Variants in CABIN1 observed in about 807,000 individuals in gnomAD.
CABIN1 encodes the protein calcineurin-binding protein cabin-1.
Under a neutral mutation model 227.7 loss-of-function variants are expected in CABIN1, and 133 were observed. The observed-to-expected ratio is 0.58, with a 90% CI of 0.51 to 0.67. The LOEUF is 0.67. Among genes scored for constraint, CABIN1 ranks in the 30% least tolerant of loss-of-function variants. The probability of loss-of-function intolerance (pLI) is 0.00; values close to 1 mark genes in which losing one functional copy is unlikely to be tolerated. For synonymous variants in CABIN1, 1,086 were observed against 1,155.1 expected, an observed-to-expected ratio of 0.94 and a Z score of 1.21; for missense variants, 2,408 against 2,852.5, an observed-to-expected ratio of 0.84 and a Z score of 3.55.
chr22:24,083,081 T>G, intron 19 of CABIN1, 147 bp from the exon 20 acceptor site: 1 of 773,822 alleles, frequency 1.3e-6, no homozygotes, highest in South Asian at 1.5e-5. Flanking sequence ...CAGGTGTTTT[T>G]GGAATCAAGT....
chr22:24,171,686 T>G, intron 33 of CABIN1, 27 bp from the exon 34 acceptor site: 2 of 1,613,722 alleles, frequency 1.2e-6, no homozygotes, highest in Non-Finnish European at 1.7e-6. Context: ...CTAGCCAGCC[T>G]TTCTCACCTC....
intron 29 of CABIN1, among the ~76,000 whole-genome samples, chr22:24,142,746 A>G (rs1403423000): frequency 6.6e-6 from 1 of 152,188 alleles, no homozygotes; most frequent in Non-Finnish European, 1.5e-5. Flanking sequence ...CCAGGCTGCA[A>G]GCAGATCTGA....
At position 24,083,348 on chromosome 22, in the gene CABIN1, AAG is replaced by A; in HGVS notation, c.2872_2873del (p.Ser958Ter). 1 of 1,613,976 alleles carries A rather than the reference AAG, an allele frequency of 6.2e-7. No homozygotes were observed. Among genetic ancestry groups the A allele is most frequent in the Non-Finnish European group, 8.5e-7 (1 of 1,180,018 alleles). On this transcript the variant is annotated frameshift_variant, in exon 20 of 37. Coordinates refer to ENST00000263119, the MANE Select transcript of CABIN1 (RefSeq NM_012295.4). LOFTEE classifies it high-confidence loss of function. ...FYCLYSFPSK[K>X]SKARYLEEHS... ...CTGCCTGTACAGCTTCCCCAGCAAG[AAG>A]AGTAAGGCCAGGTACCTGGAGGAAC...
chr22:24,042,428 A>G (rs2037449042), intron 5 of CABIN1, among the ~76,000 whole-genome samples: 1 of 152,146 alleles, frequency 6.6e-6, no homozygotes, highest in Admixed American at 6.6e-5. Context: ...AAAAAAATTG[A>G]AAATTAGCTA....
intron 17 of CABIN1, 76 bp downstream of exon 17, chr22:24,071,118 C>A: frequency 6.3e-7 from 1 of 1,591,180 alleles, no homozygotes; most frequent in South Asian, 1.1e-5. Context: ...TTCAGTAGTT[C>A]ATAGCTTTCA....
chr22:24,015,430 C>T (rs1472820645), intron 1 of CABIN1, among the ~76,000 whole-genome samples: 2 of 151,196 alleles, frequency 1.3e-5, no homozygotes, highest in Non-Finnish European at 1.5e-5. Context: ...CTGCAAGCTC[C>T]GCCTCCCGGG....
intron 26 of CABIN1, among the ~76,000 whole-genome samples, chr22:24,110,305 C>A (rs1434798786): frequency 6.6e-6 from 1 of 152,212 alleles, no homozygotes; most frequent in Non-Finnish European, 1.5e-5. Context: ...TCAGGTGATA[C>A]TGTACTACTT....
chr22:24,095,923 TCTC>T lies in CABIN1; in HGVS notation c.3787-5_3787-3del, dbSNP rs1288876998. 1 of 1,613,914 alleles carries T rather than the reference TCTC, an allele frequency of 6.2e-7. No individual in the cohort carries two copies. Among genetic ancestry groups the T allele is most frequent in the Non-Finnish European group, 8.5e-7 (1 of 1,179,924 alleles). On this transcript the variant is annotated splice_polypyrimidine_tract_variant and splice_region_variant and intron_variant, in intron 24 of 36. Transcript: ENST00000263119. ...AGGCTGCTCACACTAGAGGTGTCGTTCTCCTAGGTGTACTTTCGGCTCCATGCT... is the reference window on the plus strand; with the variant it reads ...AGGCTGCTCACACTAGAGGTGTCGTTCTAGGTGTACTTTCGGCTCCATGCT...
intron 18 of CABIN1, among the ~76,000 whole-genome samples, chr22:24,074,118 A>G (rs1327259480): frequency 2.6e-5 from 4 of 151,970 alleles, no homozygotes; most frequent in African/African-American, 9.7e-5. Flanking sequence ...TTTAGTGGTG[A>G]AAAAAAACCT....
chr22:24,048,202 A>G (rs2038044885), intron 6 of CABIN1, among the ~76,000 whole-genome samples: 1 of 152,162 alleles, frequency 6.6e-6, no homozygotes, highest in African/African-American at 2.4e-5. Context: ...AAATTGGAAA[A>G]TACAGGTAAA....
chr22:24,175,161 G>C (rs1014733238), intron 34 of CABIN1, among the ~76,000 whole-genome samples: 1 of 152,146 alleles, frequency 6.6e-6, no homozygotes, highest in African/African-American at 2.4e-5. Flanking sequence ...TGGAACTGTT[G>C]AATGACACTG....
intron 1 of CABIN1, among the ~76,000 whole-genome samples, chr22:24,023,737 G>GT (rs201509795): frequency 0.013 from 1,767 of 140,930 alleles, 14 homozygotes; most frequent in Admixed American, 0.026. Context: ...TCATTTACCT[G>GT]TTTTTTTTTT....
At chr22:24,167,460 G>A in intron 32 of CABIN1, 147 bp downstream of exon 32, 1 of 704,894 alleles carries the variant, frequency 1.4e-6, no homozygotes, top group South Asian at 1.9e-5. Context: ...TTCACTTTCT[G>A]CAATGAGCTT....
chr22:24,154,070 C>T (rs950811995), intron 29 of CABIN1, among the ~76,000 whole-genome samples: 3 of 152,162 alleles, frequency 2.0e-5, no homozygotes, highest in Non-Finnish European at 2.9e-5. Context: ...AGGTGCTGCC[C>T]GTGATGGACC....
At chr22:24,061,014 C>T (rs546140174) in intron 12 of CABIN1, among the ~76,000 whole-genome samples, 2 of 152,342 alleles carry the variant, frequency 1.3e-5, no homozygotes, top group Non-Finnish European at 2.9e-5. Context: ...AACTCCTGGG[C>T]TCAAGTGATC....
At chr22:24,174,164 G>C (rs2046982733) in intron 34 of CABIN1, among the ~76,000 whole-genome samples, 1 of 151,662 alleles carries the variant, frequency 6.6e-6, no homozygotes, top group African/African-American at 2.4e-5. Flanking sequence ...TCCTCACTCT[G>C]TTGCCCAGGC....
intron 6 of CABIN1, among the ~76,000 whole-genome samples, chr22:24,046,309 A>G (rs8142186): frequency 0.012 from 1,863 of 152,318 alleles, 34 homozygotes; most frequent in African/African-American, 0.043. Context: ...GTTCTTAGTC[A>G]TAACCTGCTA....
chr22:24,145,537 G>T (rs2045055769), intron 29 of CABIN1, among the ~76,000 whole-genome samples: 1 of 152,214 alleles, frequency 6.6e-6, no homozygotes, highest in Non-Finnish European at 1.5e-5. Flanking sequence ...ATGAGGGGAA[G>T]CGGAGTACAA....
rs117007751 is a variant in CABIN1, at chr22:24,030,725, A to T, written c.-74-4719A>T. 7.0e-3 allele frequency among the ~76,000 whole-genome samples: 1,060 copies of T among 152,002 alleles called. 8 individuals carry two copies. Among genetic ancestry groups the T allele is most frequent in the Non-Finnish European group, 0.012 (833 of 67,930 alleles). Reference sequence around the variant, plus strand: ...AATCCAGGTGCCTTCTTTATGGAGGAGGTGGGAGGGATTGGGCTGGGGCAG... The same window carrying T: ...AATCCAGGTGCCTTCTTTATGGAGGTGGTGGGAGGGATTGGGCTGGGGCAG... On this transcript the variant is annotated intron_variant, in intron 1 of 36. Coordinates refer to ENST00000263119, the MANE Select transcript of CABIN1 (RefSeq NM_012295.4).
Sources: allele counts gnomAD v4.1 joint callset (sites outside exome capture counted in the v4.1 genomes callset), GRCh38; gene constraint gnomAD v4.1.1; transcripts MANE v1.5; gene names NCBI Gene and HGNC (gene_info 2026-07-23, HGNC 2026-07-21).